Variants in ERCC6 observed in about 807,000 individuals in gnomAD.
ERCC6 encodes the protein ERCC excision repair 6, chromatin remodeling factor, also known as DNA excision repair protein ERCC-6.
In ERCC6, 116 loss-of-function variants were observed where a neutral mutation model predicts 158.7. The observed-to-expected ratio is 0.73, with a 90% confidence interval of 0.63 to 0.85. The LOEUF (loss-of-function observed/expected upper bound fraction) is 0.85, where lower values mean the gene tolerates loss of function less well. Ranked by LOEUF, ERCC6 falls within the 40% of genes least tolerant of loss-of-function variation. ERCC6 has a pLI of 0.00. For synonymous variants in ERCC6, 678 were observed against 659.3 expected, an observed-to-expected ratio of 1.03 and a Z score of -0.43; for missense variants, 1,698 against 1,799.4, an observed-to-expected ratio of 0.94 and a Z score of 1.02.
chr10:49,459,809 CCTAAACATGTTCACATTAA>C (rs1348655143), intron 20 of ERCC6, among the ~76,000 whole-genome samples: 2 of 152,132 alleles, frequency 1.3e-5, no homozygotes, highest in African/African-American at 4.8e-5. Flanking sequence ...TACTAGTATT[CCTAAACATGTTCACATTAA>C]CTTAAAATTG....
At chr10:49,532,497 C>A in intron 2 of ERCC6, 46 bp downstream of exon 2, 1 of 1,608,816 alleles carries the variant, frequency 6.2e-7, no homozygotes, top group South Asian at 1.1e-5. Context: ...ATATCCCTGT[C>A]ATGTTTTACC....
intron 6 of ERCC6, chr10:49,503,251 G>A (rs1274536075): frequency 6.6e-6 from 1 of 152,124 alleles, no homozygotes; most frequent in Non-Finnish European, 1.5e-5. Flanking sequence ...CTGAGAGGGG[G>A]TTAAGACAAC....
chr10:49,519,065 G>C (rs1445043341), intron 5 of ERCC6, among the ~76,000 whole-genome samples: 1 of 152,174 alleles, frequency 6.6e-6, no homozygotes, highest in Non-Finnish European at 1.5e-5. Flanking sequence ...AGGTCTTCTA[G>C]ACTCCTGAGC....
chr10:49,452,556 C>A (rs530929199), downstream of ERCC6, among the ~76,000 whole-genome samples: 1 of 152,076 alleles, frequency 6.6e-6, no homozygotes, highest in African/African-American at 2.4e-5. Context: ...TATGCTGTAG[C>A]GCTTGGGTGA....
At chr10:49,460,985 T>C (rs766897436) in intron 19 of ERCC6, among the ~76,000 whole-genome samples, 1 of 152,074 alleles carries the variant, frequency 6.6e-6, no homozygotes, top group African/African-American at 2.4e-5. Flanking sequence ...CAATTCCAAG[T>C]AGGAAAATCA....
chr10:49,495,666 T>C (rs886855847), intron 7 of ERCC6, among the ~76,000 whole-genome samples: 1 of 152,052 alleles, frequency 6.6e-6, no homozygotes, highest in Admixed American at 6.5e-5. Context: ...ATGGAAAGAA[T>C]TTTGTCCCAC....
chr10:49,480,220 C>T lies in ERCC6; in HGVS notation c.2170-1750G>A, dbSNP rs768044521. Among the ~76,000 whole-genome samples the T allele has an allele frequency of 3.3e-5, 5 of 152,152 alleles. No individual in the cohort carries two copies. The South Asian group carries it at 6.2e-4, about 19-fold the overall frequency. ...GGCCCCAGGTGAGTCATCCCTTCTC[C>T]GAGAAGCCTTTCTGAGCCCCATAAG... On this transcript the variant is annotated intron_variant, in intron 10 of 20. Transcript: ENST00000355832.
intron 18 of ERCC6, among the ~76,000 whole-genome samples, 175 bp from the exon 19 acceptor site, chr10:49,461,731 A>G (rs1209715815): frequency 6.6e-6 from 1 of 152,266 alleles, no homozygotes; most frequent in Non-Finnish European, 1.5e-5. Context: ...CATAAAAAAT[A>G]TAAAATTCAC....
chr10:49,442,091 A>C, the ERCC6 span, among the ~76,000 whole-genome samples: 3 of 152,192 alleles, frequency 2.0e-5, no homozygotes, highest in Non-Finnish European at 2.9e-5. Flanking sequence ...CCTGTCTTTT[A>C]GGAAAACCAA....
chr10:49,532,482 C>G, intron 2 of ERCC6, 61 bp downstream of exon 2: 2 of 1,605,084 alleles, frequency 1.2e-6, no homozygotes, highest in Non-Finnish European at 1.7e-6. Context: ...CTTTCCATTA[C>G]CTGAATATCC....
intron 2 of ERCC6, 24 bp downstream of exon 2, chr10:49,532,519 A>C: frequency 6.2e-7 from 1 of 1,612,336 alleles, no homozygotes; most frequent in Non-Finnish European, 8.5e-7. Context: ...CCACTTTGAA[A>C]GGAAGAAGAT....
chr10:49,535,502 A>C (rs1837575168), intron 1 of ERCC6, among the ~76,000 whole-genome samples: 1 of 152,206 alleles, frequency 6.6e-6, no homozygotes, highest in Non-Finnish European at 1.5e-5. Context: ...AGCTCACCTC[A>C]CTTTCCAACA....
At chr10:49,462,262 G>A (rs1483214467) in intron 18 of ERCC6, among the ~76,000 whole-genome samples, 1 of 152,152 alleles carries the variant, frequency 6.6e-6, no homozygotes, top group African/African-American at 2.4e-5. Flanking sequence ...TCTAATCACT[G>A]AGAAAAACTT....
In ERCC6 at chr10:49,500,817, T is replaced by C. The variant is rs1326700594; in HGVS notation, c.1527-121A>G. 4.0e-6 allele frequency: 4 copies of C among 1,000,474 alleles called. No individual in the cohort carries two copies. In the Admixed American group the frequency reaches 5.8e-5, roughly 15 times the overall value. The allele number at this position is 1,000,474 out of a possible 1,614,324, so 62.0% of individuals were successfully genotyped here. Reference sequence around the variant, plus strand: ...GGTTCTAGTACCAGTCAGAGAAACATGCGGGATGTGTGTTTTACATGAGTA... The same window carrying C: ...GGTTCTAGTACCAGTCAGAGAAACACGCGGGATGTGTGTTTTACATGAGTA... On this transcript the variant is annotated intron_variant, in intron 6 of 20. Coordinates refer to ENST00000355832, the MANE Select transcript of ERCC6 (RefSeq NM_000124.4).
At chr10:49,460,320 G>A in intron 20 of ERCC6, 53 bp downstream of exon 20, 1 of 1,260,206 alleles carries the variant, frequency 7.9e-7, no homozygotes, top group Non-Finnish European at 1.2e-6. Context: ...AATTTTCACA[G>A]CATTCAATCA....
intron 1 of ERCC6, among the ~76,000 whole-genome samples, chr10:49,536,691 T>A (rs1158076435): frequency 6.6e-6 from 1 of 152,072 alleles, no homozygotes; most frequent in African/African-American, 2.4e-5. Context: ...CCTGAGGATC[T>A]CCCCAGCCCT....
At position 49,470,294 on chromosome 10, in the gene ERCC6, A is replaced by G. The variant is rs1234353595; in HGVS notation, c.3666T>C (p.Ile1222=). The change falls in exon 18 of 21, where the codon ATT becomes ATC. Residue 1222 remains isoleucine (I), a synonymous_variant. Coordinates refer to ENST00000355832, the MANE Select transcript of ERCC6 (RefSeq NM_000124.4). ...CRDAKFEGTR[I]PHLVKKRRYQ... Reference sequence around the variant, plus strand: ...AACGCCTTTTCTTCACCAGGTGTGGAATTCGAGTTCCTTCAAACTTGGCGT... The same window carrying G: ...AACGCCTTTTCTTCACCAGGTGTGGGATTCGAGTTCCTTCAAACTTGGCGT... 6.2e-7 allele frequency: 1 copy of G among 1,613,962 alleles called. No individual in the cohort carries two copies. Among genetic ancestry groups the G allele is most frequent in the Non-Finnish European group, 8.5e-7 (1 of 1,180,018 alleles).
intron 8 of ERCC6, among the ~76,000 whole-genome samples, chr10:49,486,953 A>C (rs191078520): frequency 6.6e-6 from 1 of 152,382 alleles, no homozygotes; most frequent in Non-Finnish European, 1.5e-5. Context: ...CTTTACAGAT[A>C]AAACCTAGTA....
At chr10:49,523,914 T>A in intron 5 of ERCC6, 119 bp downstream of exon 5, 1 of 1,448,364 alleles carries the variant, frequency 6.9e-7, no homozygotes, top group Non-Finnish European at 9.4e-7. Flanking sequence ...AAATCCAACC[T>A]CTGTATAATC....
Sources: gnomAD v4.1 joint callset for allele counts (sites outside exome capture counted in the v4.1 genomes callset) on GRCh38, gnomAD v4.1.1 for gene constraint, MANE v1.5 for transcripts, NCBI Gene and HGNC (gene_info 2026-07-23, HGNC 2026-07-21) for gene names.